The following EXOC6 variants were observed in gnomAD, a reference collection of about 807,000 sequenced individuals.
The protein encoded by EXOC6 is SEC15-like 1.
Under a neutral mutation model 112.5 loss-of-function variants are expected in EXOC6, and 60 were observed. The ratio of observed to expected loss-of-function variants is 0.53; its 90% CI spans 0.43 to 0.66. EXOC6 has a LOEUF of 0.66. Ranked by LOEUF, EXOC6 falls within the 30% of genes least tolerant of loss-of-function variation. EXOC6 has a pLI of 0.00. For missense variants in EXOC6, 855 were observed against 957.1 expected, an observed-to-expected ratio of 0.89 and a Z score of 1.41; for synonymous variants, 295 against 308.0, an observed-to-expected ratio of 0.96 and a Z score of 0.44.
intron 1 of EXOC6, among the ~76,000 whole-genome samples, chr10:92,874,537 C>G (rs1021194276): frequency 1.3e-5 from 2 of 152,064 alleles, no homozygotes; most frequent in Non-Finnish European, 2.9e-5. Flanking sequence ...TGTCTGTAAA[C>G]CTTTTTTAAT....
At chr10:93,014,774 T>C (rs148577779) in intron 20 of EXOC6, among the ~76,000 whole-genome samples, 40 of 152,318 alleles carry the variant, frequency 2.6e-4, no homozygotes, top group Middle Eastern at 3.4e-3. Flanking sequence ...ATGAGACATT[T>C]ACACAATTCT....
chr10:93,053,730 T>A (rs1846410710), intron 20 of EXOC6, among the ~76,000 whole-genome samples: 1 of 152,274 alleles, frequency 6.6e-6, no homozygotes, highest in Admixed American at 6.5e-5. Flanking sequence ...CATCATTTAA[T>A]CAGTTATTTC....
chr10:92,931,512 A>G (rs540097117), intron 9 of EXOC6, among the ~76,000 whole-genome samples: 16 of 151,920 alleles, frequency 1.1e-4, no homozygotes, highest in South Asian at 4.2e-4. Context: ...GTGAAAAACT[A>G]TACTGAACAT....
At chr10:92,949,022 G>A (rs933040617) in intron 14 of EXOC6, among the ~76,000 whole-genome samples, 2 of 152,144 alleles carry the variant, frequency 1.3e-5, no homozygotes, top group Admixed American at 6.5e-5. Context: ...GCATATATAC[G>A]TGCAAACATG....
Position 92,954,673 on chromosome 10 carries a change from C to A in EXOC6, c.1570C>A (p.Leu524Met). The A allele has an allele frequency of 6.2e-7, 1 of 1,609,142 alleles. No individual in the cohort carries two copies. Among genetic ancestry groups the A allele is most frequent in the Non-Finnish European group, 8.5e-7 (1 of 1,176,852 alleles). ...TATGCTTAGAAAATCAACAAATCTG[C>A]TGCTGACCAGAACTTTGAGTAGCTG... ...DDMLRKSTNLLLTRTLSSCLL... is the reference protein window; with the variant it reads ...DDMLRKSTNLMLTRTLSSCLL... The change falls in exon 16 of 22, where the codon CTG (leucine) becomes ATG (methionine). Residue 524 changes from leucine to methionine, a missense_variant. Transcript: ENST00000260762.
At chr10:92,975,907 C>G (rs1240425444) in intron 18 of EXOC6, among the ~76,000 whole-genome samples, 2 of 137,266 alleles carry the variant, frequency 1.5e-5, no homozygotes, top group Non-Finnish European at 1.6e-5. Context: ...CCGCCCCGTC[C>G]GGGAGGGAGG....
At chr10:92,836,332 C>A (rs1265614864) in intron 1 of EXOC6, among the ~76,000 whole-genome samples, 1 of 152,176 alleles carries the variant, frequency 6.6e-6, no homozygotes, top group Non-Finnish European at 1.5e-5. Flanking sequence ...TTTTTACCTT[C>A]TCTTCTTAGG....
At chr10:92,848,844 C>T (rs1042263906) in intron 1 of EXOC6, among the ~76,000 whole-genome samples, 30 of 152,176 alleles carry the variant, frequency 2.0e-4, no homozygotes, top group African/African-American at 7.0e-4. Context: ...CGCGGCCTGC[C>T]TCCACCGCTG....
In EXOC6 at chr10:93,057,336, TA is replaced by T. The variant is rs529372907; in HGVS notation, c.2282+310del. Among the ~76,000 whole-genome samples, 33 of 148,554 alleles carry T rather than the reference TA, an allele frequency of 2.2e-4. No homozygotes were observed. In the South Asian group the frequency reaches 2.4e-3, roughly 11 times the overall value. On this transcript the variant is annotated intron_variant, in intron 21 of 21. Coordinates refer to ENST00000260762, the MANE Select transcript of EXOC6 (RefSeq NM_019053.6). The stretch of plus-strand genomic sequence containing the variant: ...GGGATGTGACAATTGGAGCTTTCTT[TA>T]AAAAAAAAAGTCTATAACTCAGGAA...
At chr10:93,057,515 G>A (rs1378895036) in intron 21 of EXOC6, among the ~76,000 whole-genome samples, 1 of 151,816 alleles carries the variant, frequency 6.6e-6, no homozygotes, top group Admixed American at 6.6e-5. Flanking sequence ...AGGATTTACT[G>A]ATGCATCTTG....
chr10:92,897,562 TAAG>T (rs1849892614), intron 4 of EXOC6, among the ~76,000 whole-genome samples: 1 of 152,196 alleles, frequency 6.6e-6, no homozygotes, highest in South Asian at 2.1e-4. Context: ...GGTACAAAGA[TAAG>T]AAGCTACATA....
At chr10:92,848,433 G>GCGCCCCCCCCC, upstream of EXOC6, 1 of 855,808 alleles carries the variant, frequency 1.2e-6, no homozygotes, top group Non-Finnish European at 1.4e-6. Context: ...CGGCCCGAGC[G>GCGCCCCCCCCC]CCCCGCCCCC....
intron 4 of EXOC6, among the ~76,000 whole-genome samples, chr10:92,896,143 A>G (rs58860209): frequency 0.31 from 7,854 of 25,230 alleles, 1,049 homozygotes; most frequent in East Asian, 0.73. Context: ...GTGTGTATGT[A>G]TGTGTATATA....
At chr10:93,004,113 C>CA (rs1283599694) in intron 19 of EXOC6, among the ~76,000 whole-genome samples, 5 of 151,836 alleles carry the variant, frequency 3.3e-5, no homozygotes, top group African/African-American at 1.2e-4. Context: ...ATGTGAAATA[C>CA]AAAAAAAGCT....
intron 20 of EXOC6, among the ~76,000 whole-genome samples, chr10:93,015,279 A>G (rs1349536739): frequency 6.6e-6 from 1 of 152,228 alleles, no homozygotes; most frequent in African/African-American, 2.4e-5. Flanking sequence ...GAGAATATAG[A>G]TAATTCCAAC....
intron 20 of EXOC6, among the ~76,000 whole-genome samples, chr10:93,041,774 C>T (rs1336312998): frequency 3.4e-5 from 5 of 149,016 alleles, no homozygotes; most frequent in Non-Finnish European, 4.5e-5. Flanking sequence ...TGCACTGGTG[C>T]GATCTCGGCC....
chr10:92,858,051 T>C (rs1173108937), intron 1 of EXOC6, among the ~76,000 whole-genome samples: 1 of 135,948 alleles, frequency 7.4e-6, no homozygotes, highest in African/African-American at 2.8e-5. Context: ...GCAGTTTGAA[T>C]ATGTCTTTCC....
chr10:93,032,302 C>T (rs1199386616), intron 20 of EXOC6, among the ~76,000 whole-genome samples: 1 of 152,174 alleles, frequency 6.6e-6, no homozygotes. Context: ...CACCACTGCA[C>T]TCCATCCTGG....
At chr10:93,051,191 GACT>G (rs1846277739) in intron 20 of EXOC6, among the ~76,000 whole-genome samples, 2 of 150,802 alleles carry the variant, frequency 1.3e-5, no homozygotes, top group Admixed American at 1.3e-4. Flanking sequence ...GGTTATCTAG[GACT>G]ACTACATTAG....
Sources: allele counts gnomAD v4.1 joint callset (sites outside exome capture counted in the v4.1 genomes callset), GRCh38; gene constraint gnomAD v4.1.1; transcripts MANE v1.5; gene names NCBI Gene and HGNC (gene_info 2026-07-23, HGNC 2026-07-21).